TMEM132B: variants seen among roughly 807,000 people sequenced by gnomAD.
The protein encoded by TMEM132B is transmembrane protein 132B.
Under a neutral mutation model 90.8 loss-of-function variants are expected in TMEM132B, and 18 were observed. The observed-to-expected ratio is 0.20, with a 90% CI of 0.14 to 0.29. The LOEUF (loss-of-function observed/expected upper bound fraction) is 0.29, where lower values mean the gene tolerates loss of function less well. Ranked by LOEUF, TMEM132B falls within the 10% of genes least tolerant of loss-of-function variation. The pLI is 1.00. For synonymous variants in TMEM132B, 504 were observed against 523.3 expected (o/e 0.96, Z 0.50); for missense variants, 1,096 against 1,326.8 (o/e 0.83, Z 2.70).
intron 1 of TMEM132B, among the ~76,000 whole-genome samples, chr12:125,320,202 C>T (rs1026073536): frequency 6.6e-6 from 1 of 152,184 alleles, no homozygotes; most frequent in Admixed American, 6.5e-5. Flanking sequence ...AACAATGGCC[C>T]AGCTGGGGAG....
In TMEM132B at chr12:125,588,725, G is replaced by T. The variant is rs192300167; in HGVS notation, c.1437+4731G>T. Among the ~76,000 whole-genome samples, 257 of 152,220 alleles carry T rather than the reference G, an allele frequency of 1.7e-3. 2 individuals carry two copies. The highest frequency in any genetic ancestry group is 6.0e-3 in the African/African-American group (251 of 41,526). On this transcript the variant is annotated intron_variant, in intron 5 of 8. Transcript: ENST00000682704. ...GGGCACATTTTCGGGAGCAGTCCAG[G>T]GCAAGGTTTTAAAGGGAGTTTTGGG...
rs574412733 is a variant in TMEM132B at position 125,246,939 on chromosome 12, C to G, written c.67+60073C>G. On this transcript the variant is annotated intron_variant, in intron 1 of 8. Coordinates refer to ENST00000682704, the MANE Select transcript of TMEM132B (RefSeq NM_001366854.1). The surrounding 1 kb of genome is among the most constrained non-coding windows in gnomAD (Gnocchi z 4.2). ...GGGGGAGGTGGTGGGGGTAGGGGCA[C>G]AGTCAGGATTTTCCACTTAAGTTAT... 6.6e-6 allele frequency among the ~76,000 whole-genome samples: 1 copy of G among 151,996 alleles called. No homozygotes were observed. The highest frequency in any genetic ancestry group is 1.5e-5 in the Non-Finnish European group (1 of 68,000).
chr12:125,244,296 G>T lies in TMEM132B; in HGVS notation c.67+57430G>T, dbSNP rs570059041. 2.6e-4 allele frequency among the ~76,000 whole-genome samples: 39 copies of T among 152,290 alleles called. No homozygotes were observed. The South Asian group carries it at 7.9e-3, about 31-fold the overall frequency. ...CAGGAGTGGAATTGCTGGGTGACAG[G>T]GCAGCTCCATCTTCAACTTATTCAA... On this transcript the variant is annotated intron_variant, in intron 1 of 8. Transcript: ENST00000682704.
At position 125,227,648 on chromosome 12, in the gene TMEM132B, A is replaced by C. The variant is rs143352587; in HGVS notation, c.67+40782A>C. On this transcript the variant is annotated intron_variant, in intron 1 of 8. Coordinates refer to ENST00000682704, the MANE Select transcript of TMEM132B (RefSeq NM_001366854.1). ...TCAGTGTCTCCCCTCTCTCAGGATC[A>C]CATAGAATCAGCAGCTTAGGGACCA... 5.0e-3 allele frequency among the ~76,000 whole-genome samples: 758 copies of C among 152,306 alleles called. 2 individuals are homozygous for C. Among genetic ancestry groups the C allele is most frequent in the Non-Finnish European group, 7.2e-3 (488 of 68,032 alleles).
chr12:125,619,428 G>C (rs1406616926), intron 5 of TMEM132B, among the ~76,000 whole-genome samples: 1 of 151,744 alleles, frequency 6.6e-6, no homozygotes, highest in Non-Finnish European at 1.5e-5. Flanking sequence ...GCACTGACAC[G>C]ATCTCGGCTC....
At chr12:125,519,971 A>G (rs971606317) in intron 4 of TMEM132B, among the ~76,000 whole-genome samples, 1 of 152,180 alleles carries the variant, frequency 6.6e-6, no homozygotes, top group African/African-American at 2.4e-5. Context: ...GTGGCTCTAT[A>G]TGCCAAGTAA....
At chr12:125,260,019 C>T (rs1185937216) in intron 1 of TMEM132B, among the ~76,000 whole-genome samples, 1 of 152,088 alleles carries the variant, frequency 6.6e-6, no homozygotes, top group Non-Finnish European at 1.5e-5. Context: ...TTATGTTTTG[C>T]ATGGAATGAG....
At chr12:125,425,215 A>G (rs962963891) in intron 3 of TMEM132B, among the ~76,000 whole-genome samples, 1 of 152,202 alleles carries the variant, frequency 6.6e-6, no homozygotes, top group East Asian at 1.9e-4. Flanking sequence ...GTTTTAAGCC[A>G]TTGAAGTTAT....
At chr12:125,355,566 A>G (rs1877738721) in intron 2 of TMEM132B, among the ~76,000 whole-genome samples, 1 of 152,084 alleles carries the variant, frequency 6.6e-6, no homozygotes, top group Admixed American at 6.5e-5. Flanking sequence ...TCAGAGTTGT[A>G]TTGTTATATG....
At chr12:125,507,892 G>A (rs1214108796) in intron 3 of TMEM132B, among the ~76,000 whole-genome samples, 1 of 152,128 alleles carries the variant, frequency 6.6e-6, no homozygotes, top group Non-Finnish European at 1.5e-5. Context: ...TGGTGAGAGT[G>A]GACACAGAGA....
intron 2 of TMEM132B, among the ~76,000 whole-genome samples, chr12:125,388,217 G>A (rs953130630): frequency 6.6e-6 from 1 of 152,054 alleles, no homozygotes; most frequent in Non-Finnish European, 1.5e-5. Context: ...CACTTGAGGT[G>A]GGGAGTTCAA....
intron 1 of TMEM132B, among the ~76,000 whole-genome samples, chr12:125,332,248 A>G (rs1876798874): frequency 6.6e-6 from 1 of 152,218 alleles, no homozygotes; most frequent in African/African-American, 2.4e-5. Context: ...GGTACTCAGT[A>G]GATATCTGAC....
chr12:125,362,223 C>T (rs371875328), intron 2 of TMEM132B, among the ~76,000 whole-genome samples: 8 of 152,282 alleles, frequency 5.3e-5, no homozygotes, highest in African/African-American at 1.9e-4. Context: ...TCCTGCTCAG[C>T]GCTTCCCTGT....
In TMEM132B at chr12:125,498,952, A is replaced by G. The variant is rs1882626090; in HGVS notation, c.1107-20487A>G. Among the ~76,000 whole-genome samples the G allele has an allele frequency of 1.3e-5, 2 of 152,336 alleles. No homozygotes were observed. The highest frequency in any genetic ancestry group is 2.1e-4 in the South Asian group (1 of 4,828). Reference sequence around the variant, plus strand: ...TTGGGAATGCTCAGTTAGCAAAATAATAATAATCTCTATAGGATTGTCCTT... The same window carrying G: ...TTGGGAATGCTCAGTTAGCAAAATAGTAATAATCTCTATAGGATTGTCCTT... On this transcript the variant is annotated intron_variant, in intron 3 of 8. Coordinates refer to ENST00000682704, the MANE Select transcript of TMEM132B (RefSeq NM_001366854.1). This position sits in a 1 kb window ranked among gnomAD's most constrained non-coding sequence, Gnocchi z 4.5.
intron 3 of TMEM132B, among the ~76,000 whole-genome samples, chr12:125,474,983 C>T (rs941435792): frequency 1.3e-5 from 2 of 152,182 alleles, no homozygotes; most frequent in African/African-American, 4.8e-5. Flanking sequence ...TTGTTCATAC[C>T]TGGGCAGAGA....
chr12:125,500,812 T>C (rs140311084), intron 3 of TMEM132B, among the ~76,000 whole-genome samples: 1 of 152,244 alleles, frequency 6.6e-6, no homozygotes, highest in African/African-American at 2.4e-5. Context: ...TTTTGTTCTA[T>C]GGGGTCAAGC....
chr12:125,333,958 A>G (rs1367711323), intron 1 of TMEM132B, among the ~76,000 whole-genome samples: 1 of 152,058 alleles, frequency 6.6e-6, no homozygotes, highest in African/African-American at 2.4e-5. Flanking sequence ...TGGCTACATA[A>G]TTTGCAGTGC....
At chr12:125,250,014 T>A (rs1316843141) in intron 1 of TMEM132B, among the ~76,000 whole-genome samples, 1 of 152,236 alleles carries the variant, frequency 6.6e-6, no homozygotes, top group Non-Finnish European at 1.5e-5. Flanking sequence ...GCAGGGCGTT[T>A]TATTGGGAGA....
At position 125,200,068 on chromosome 12, in the gene TMEM132B, A is replaced by T. The variant is rs544495342; in HGVS notation, c.67+13202A>T. ...GGTAAATCCCTCGGCAGGAAGTAGG[A>T]TTGCATTTGGAGAAAGGACTTGAAC... On this transcript the variant is annotated intron_variant, in intron 1 of 8. Coordinates refer to ENST00000682704, the MANE Select transcript of TMEM132B (RefSeq NM_001366854.1). Among the ~76,000 whole-genome samples the T allele has an allele frequency of 2.0e-5, 3 of 152,296 alleles. No individual in the cohort carries two copies. The South Asian group carries it at 6.2e-4, about 32-fold the overall frequency.
Sources: gnomAD v4.1 joint callset for allele counts (sites outside exome capture counted in the v4.1 genomes callset) on GRCh38, gnomAD v4.1.1 for gene constraint, Gnocchi (gnomAD v3.1) non-coding constraint, MANE v1.5 for transcripts, NCBI Gene and HGNC (gene_info 2026-07-23, HGNC 2026-07-21) for gene names.